Variants in PIP5K1B observed in about 807,000 individuals in gnomAD.
PIP5K1B encodes phosphatidylinositol 4-phosphate 5-kinase type-1 beta.
Under a neutral mutation model 67.0 loss-of-function variants are expected in PIP5K1B, and 42 were observed. That is an observed-to-expected ratio of 0.63 (90% CI 0.49 to 0.81). PIP5K1B has a LOEUF of 0.81. PIP5K1B is among the 30% of genes least tolerant of loss of function. PIP5K1B has a pLI of 0.00. For synonymous variants in PIP5K1B, 214 were observed against 231.4 expected, an observed-to-expected ratio of 0.92 and a Z score of 0.68; for missense variants, 459 against 646.3, an observed-to-expected ratio of 0.71 and a Z score of 3.14.
rs185313535 is a variant in PIP5K1B, at chr9:68,913,772, A to T, written c.772-3776A>T. Among the ~76,000 whole-genome samples, 6 of 152,276 alleles carry T rather than the reference A, an allele frequency of 3.9e-5. No homozygotes were observed. The South Asian group carries it at 1.0e-3, about 26-fold the overall frequency. On this transcript the variant is annotated intron_variant, in intron 8 of 15. Transcript: ENST00000265382. Reference sequence around the variant, plus strand: ...GAGGACAACTCAGCACCCTTCCCAGATGCTGGCAATCCAAAAGAAGAGTAC... The same window carrying T: ...GAGGACAACTCAGCACCCTTCCCAGTTGCTGGCAATCCAAAAGAAGAGTAC...
At chr9:68,718,194 A>G (rs1827718565) in intron 1 of PIP5K1B, among the ~76,000 whole-genome samples, 1 of 152,238 alleles carries the variant, frequency 6.6e-6, no homozygotes, top group Admixed American at 6.5e-5. Flanking sequence ...AGGCATAGTA[A>G]AACTTGGAGA....
At chr9:68,911,667 G>A (rs1378200200) in intron 8 of PIP5K1B, among the ~76,000 whole-genome samples, 1 of 152,116 alleles carries the variant, frequency 6.6e-6, no homozygotes, top group African/African-American at 2.4e-5. Context: ...GAGGTGGTTG[G>A]ATCGCTTGAG....
chr9:68,971,640 A>G (rs1829375027), intron 14 of PIP5K1B, among the ~76,000 whole-genome samples: 1 of 152,208 alleles, frequency 6.6e-6, no homozygotes, highest in Admixed American at 6.5e-5. Context: ...ATTTCTCCAC[A>G]TCCTCTCCAG....
At chr9:68,933,099 CAA>C (rs200948074) in intron 12 of PIP5K1B, among the ~76,000 whole-genome samples, 16 of 98,022 alleles carry the variant, frequency 1.6e-4, no homozygotes, top group Non-Finnish European at 1.8e-4. Context: ...AACTCCGTCT[CAA>C]AAAAAAAAAA....
intron 12 of PIP5K1B, among the ~76,000 whole-genome samples, chr9:68,924,419 A>G (rs1826576240): frequency 6.6e-6 from 1 of 151,186 alleles, no homozygotes; most frequent in African/African-American, 2.4e-5. Flanking sequence ...AAAAAAAAAA[A>G]AAAAAATGAA....
intron 14 of PIP5K1B, among the ~76,000 whole-genome samples, chr9:68,969,602 A>G (rs1829246959): frequency 6.6e-6 from 1 of 152,142 alleles, no homozygotes; most frequent in Non-Finnish European, 1.5e-5. Context: ...AATTGCTAGA[A>G]GGCAGAAGAA....
At chr9:68,824,393 TA>T in intron 4 of PIP5K1B, 1 of 377,918 alleles carries the variant, frequency 2.6e-6, no homozygotes, top group Non-Finnish European at 5.1e-6. Flanking sequence ...ATAATTAGTA[TA>T]GGTAATTCTA....
chr9:68,859,305 G>A (rs1030041249), intron 4 of PIP5K1B, among the ~76,000 whole-genome samples: 2 of 152,126 alleles, frequency 1.3e-5, no homozygotes, highest in Non-Finnish European at 2.9e-5. Flanking sequence ...ACATGTTTGG[G>A]TTAATACAGA....
At chr9:68,851,235 T>A (rs1822467584) in intron 4 of PIP5K1B, among the ~76,000 whole-genome samples, 1 of 152,236 alleles carries the variant, frequency 6.6e-6, no homozygotes, top group Admixed American at 6.5e-5. Context: ...GAAGCAAATC[T>A]TCTATCAAAC....
chr9:68,848,020 C>T (rs1822284636), intron 4 of PIP5K1B, among the ~76,000 whole-genome samples: 1 of 152,144 alleles, frequency 6.6e-6, no homozygotes, highest in African/African-American at 2.4e-5. Context: ...GTTAACAGAT[C>T]TAGGTTCAAG....
intron 1 of PIP5K1B, among the ~76,000 whole-genome samples, chr9:68,740,940 G>A (rs569528512): frequency 3.3e-5 from 5 of 152,248 alleles, no homozygotes; most frequent in Middle Eastern, 3.4e-3. Context: ...AACCTGAGAG[G>A]GACTGGGGGA....
intron 1 of PIP5K1B, among the ~76,000 whole-genome samples, chr9:68,739,293 T>C (rs1828888259): frequency 6.6e-6 from 1 of 152,246 alleles, no homozygotes. Context: ...TCATCAACTC[T>C]TTGTTTTCTG....
chr9:68,944,298 A>G (rs1001082133), intron 14 of PIP5K1B, among the ~76,000 whole-genome samples: 6 of 152,254 alleles, frequency 3.9e-5, no homozygotes, highest in Non-Finnish European at 7.3e-5. Context: ...TAAGAAATAT[A>G]GAGGCAAATG....
At chr9:68,806,067 A>G (rs1832857870) in intron 2 of PIP5K1B, among the ~76,000 whole-genome samples, 1 of 152,194 alleles carries the variant, frequency 6.6e-6, no homozygotes, top group African/African-American at 2.4e-5. Context: ...CCTGACCTGA[A>G]AAGTCACTTG....
At chr9:68,805,320 C>T (rs1262502014) in intron 2 of PIP5K1B, among the ~76,000 whole-genome samples, 2 of 152,140 alleles carry the variant, frequency 1.3e-5, no homozygotes, top group African/African-American at 4.8e-5. Flanking sequence ...GCCTCGAATA[C>T]CTGGAGTTTC....
intron 4 of PIP5K1B, chr9:68,824,003 G>GTCGCC: frequency 4.3e-6 from 2 of 462,874 alleles, no homozygotes; most frequent in Non-Finnish European, 8.6e-6. Context: ...AAAAGAGTTG[G>GTCGCC]GTAAAGATTC....
chr9:68,963,269 G>T (rs944886689), intron 14 of PIP5K1B: 2 of 454,320 alleles, frequency 4.4e-6, no homozygotes, highest in Non-Finnish European at 4.4e-6. Context: ...TTGCGAGGCC[G>T]AGGCAGACTG....
chr9:68,877,064 A>G (rs1823933678), intron 6 of PIP5K1B, among the ~76,000 whole-genome samples: 1 of 152,238 alleles, frequency 6.6e-6, no homozygotes, highest in African/African-American at 2.4e-5. Flanking sequence ...TCTAACAGAT[A>G]TGTTATAATT....
At chr9:68,850,617 C>T (rs1041488979) in intron 4 of PIP5K1B, among the ~76,000 whole-genome samples, 3 of 152,130 alleles carry the variant, frequency 2.0e-5, no homozygotes, top group Non-Finnish European at 4.4e-5. Flanking sequence ...TGTGTTATTT[C>T]CCCCAAAACA....
Sources: allele counts gnomAD v4.1 joint callset (sites outside exome capture counted in the v4.1 genomes callset), GRCh38; gene constraint gnomAD v4.1.1; transcripts MANE v1.5; gene names NCBI Gene and HGNC (gene_info 2026-07-23, HGNC 2026-07-21).